Variants in PIWIL1 observed in about 807,000 individuals in gnomAD.
PIWIL1 encodes piwi like RNA-mediated gene silencing 1.
A neutral mutation model predicts 114.4 loss-of-function variants in PIWIL1; 73 were observed. The ratio of observed to expected loss-of-function variants is 0.64; its 90% CI spans 0.53 to 0.78. The LOEUF (loss-of-function observed/expected upper bound fraction) is 0.78. Among genes scored for constraint, PIWIL1 ranks in the 30% least tolerant of loss-of-function variants. PIWIL1 has a pLI of 0.00. For synonymous variants in PIWIL1, 375 were observed against 369.0 expected, an observed-to-expected ratio of 1.02 and a Z score of -0.19; for missense variants, 723 against 1,063.1, an observed-to-expected ratio of 0.68 and a Z score of 4.45.
Position 130,338,087 on chromosome 12 carries a change from G to A in PIWIL1, c.-72G>A, listed in dbSNP as rs1420195245. The A allele has an allele frequency of 4.7e-6, 1 of 214,120 alleles. No homozygotes were observed. Among genetic ancestry groups the A allele is most frequent in the Non-Finnish European group, 9.3e-6 (1 of 107,228 alleles). 13.3% of individuals were successfully genotyped at this position (214,120 alleles called of 1,614,324 possible). The stretch of plus-strand genomic sequence containing the variant: ...GAGGGATCTCCGCGGGAGCCGTTGG[G>A]GCTGTTGGCCTCGGGCTGAGGTGCA... On this transcript the variant is annotated 5_prime_UTR_variant, in exon 1 of 21. Transcript: ENST00000245255.
At chr12:130,361,070 A>G in intron 14 of PIWIL1, 110 bp from the exon 15 acceptor site, 1 of 843,098 alleles carries the variant, frequency 1.2e-6, no homozygotes, top group Non-Finnish European at 1.9e-6. Flanking sequence ...AAAATAAATG[A>G]TCATGTTCTT....
the PIWIL1 span, chr12:130,424,259 G>A: frequency 7.6e-5 from 94 of 1,231,710 alleles, no homozygotes; most frequent in Admixed American, 1.1e-3. This position sits in a 1 kb window ranked among gnomAD's most constrained non-coding sequence, Gnocchi z 9.8. Flanking sequence ...CGGTGGGCTC[G>A]CCCCAGCCGT....
At chr12:130,417,616 C>T in the PIWIL1 span, among the ~76,000 whole-genome samples, 12,712 of 152,234 alleles carry the variant, frequency 0.084, 740 homozygotes, top group South Asian at 0.2. Context: ...AAACTCCTGA[C>T]GGGGCGCTAT....
chr12:130,404,454 C>T, the PIWIL1 span, among the ~76,000 whole-genome samples: 15 of 152,202 alleles, frequency 9.9e-5, no homozygotes, highest in East Asian at 3.9e-4. Context: ...CATGCCACCA[C>T]GCCCGGCTAA....
intron 18 of PIWIL1, among the ~76,000 whole-genome samples, chr12:130,365,014 G>T (rs755123986): frequency 2.6e-5 from 4 of 152,174 alleles, no homozygotes; most frequent in African/African-American, 4.8e-5. Flanking sequence ...TTCCCAGAAG[G>T]ACTGGCAGAA....
chr12:130,394,431 G>C, the PIWIL1 span, among the ~76,000 whole-genome samples: 2 of 152,024 alleles, frequency 1.3e-5, no homozygotes, highest in Admixed American at 1.3e-4. Flanking sequence ...CACATAAAAC[G>C]GTTTTCTTTT....
chr12:130,402,066 C>T, the PIWIL1 span, among the ~76,000 whole-genome samples: 1 of 152,202 alleles, frequency 6.6e-6, no homozygotes, highest in Non-Finnish European at 1.5e-5. Flanking sequence ...GCTGAACACA[C>T]ACAGCCCTAG....
intron 19 of PIWIL1, among the ~76,000 whole-genome samples, chr12:130,368,691 T>A (rs2136196033): frequency 6.6e-6 from 1 of 152,318 alleles, no homozygotes; most frequent in Non-Finnish European, 1.5e-5. Flanking sequence ...CGACCCCCGA[T>A]GCTTTCCAAC....
At chr12:130,356,396 G>A (rs369807298) in intron 12 of PIWIL1, among the ~76,000 whole-genome samples, 28 of 151,386 alleles carry the variant, frequency 1.8e-4, no homozygotes, top group East Asian at 5.9e-4. Context: ...TATCCCCTGC[G>A]TGAGGCCAGG....
At chr12:130,398,603 G>C in the PIWIL1 span, 3 of 152,590 alleles carry the variant, frequency 2.0e-5, no homozygotes, top group African/African-American at 7.2e-5. Context: ...TAGCTCTCTC[G>C]TAAGGTAGAG....
At chr12:130,375,604 T>C (rs1466158776), downstream of PIWIL1, among the ~76,000 whole-genome samples, 1 of 152,236 alleles carries the variant, frequency 6.6e-6, no homozygotes, top group Non-Finnish European at 1.5e-5. Flanking sequence ...GATGTTGTTT[T>C]GGAATCTCGT....
At chr12:130,348,780 A>G (rs1382014065) in intron 7 of PIWIL1, among the ~76,000 whole-genome samples, 1 of 152,122 alleles carries the variant, frequency 6.6e-6, no homozygotes, top group Non-Finnish European at 1.5e-5. Flanking sequence ...TGGCACCTGT[A>G]ATCCCAGCTA....
the PIWIL1 span, among the ~76,000 whole-genome samples, chr12:130,392,661 G>A: frequency 8.0e-6 from 1 of 125,598 alleles, no homozygotes; most frequent in Admixed American, 8.0e-5. Context: ...TGATGACCCG[G>A]TCACCGTCAT....
the PIWIL1 span, among the ~76,000 whole-genome samples, chr12:130,385,819 G>GA: frequency 6.6e-6 from 1 of 152,176 alleles, no homozygotes; most frequent in Non-Finnish European, 1.5e-5. Context: ...TAAAGCTGTT[G>GA]AAAAATGTTA....
At chr12:130,384,294 G>C in the PIWIL1 span, among the ~76,000 whole-genome samples, 1 of 152,160 alleles carries the variant, frequency 6.6e-6, no homozygotes, top group Non-Finnish European at 1.5e-5. Context: ...CTCATTTTGG[G>C]AAGAATAAGC....
At chr12:130,364,443 C>A (rs774836524) in intron 18 of PIWIL1, among the ~76,000 whole-genome samples, 1 of 152,196 alleles carries the variant, frequency 6.6e-6, no homozygotes, top group Non-Finnish European at 1.5e-5. Context: ...AAAGGCCCCA[C>A]ACAATAAGTG....
the PIWIL1 span, among the ~76,000 whole-genome samples, chr12:130,390,452 T>C: frequency 2.0e-5 from 3 of 152,204 alleles, no homozygotes; most frequent in Non-Finnish European, 4.4e-5. Context: ...AATATCTTGC[T>C]TCAGGGCAAA....
At chr12:130,367,566 C>G (rs181242253) in intron 19 of PIWIL1, among the ~76,000 whole-genome samples, 3 of 152,284 alleles carry the variant, frequency 2.0e-5, no homozygotes, top group Non-Finnish European at 4.4e-5. Flanking sequence ...CGTACATAAC[C>G]TATCCACAGA....
chr12:130,346,621 C>T (rs2136135515), intron 5 of PIWIL1, 37 bp downstream of exon 5: 1 of 1,488,886 alleles, frequency 6.7e-7, no homozygotes, highest in Non-Finnish European at 9.4e-7. Context: ...ATTTCCACTT[C>T]AAAGCAGAAC....
Sources: gnomAD v4.1 joint callset for allele counts (sites outside exome capture counted in the v4.1 genomes callset) on GRCh38, gnomAD v4.1.1 for gene constraint, Gnocchi (gnomAD v3.1) non-coding constraint, MANE v1.5 for transcripts, NCBI Gene and HGNC (gene_info 2026-07-23, HGNC 2026-07-21) for gene names.